NONO: variants seen among roughly 807,000 people sequenced by gnomAD.
The protein encoded by NONO is non-POU domain-containing octamer-binding protein.
A neutral mutation model predicts 40.2 loss-of-function variants in NONO; 6 were observed. That is an observed-to-expected ratio of 0.15 (90% CI 0.08 to 0.29). The LOEUF (loss-of-function observed/expected upper bound fraction) is 0.29, where lower values mean the gene tolerates loss of function less well. NONO is among the 10% of genes least tolerant of loss of function. The pLI is 1.00. For synonymous variants in NONO, 89 were observed against 123.3 expected (o/e 0.72, Z 1.85); for missense variants, 133 against 397.8 (o/e 0.33, Z 5.66).
Position 71,290,630 on chromosome X carries a change from G to C in NONO, c.-8G>C, listed in dbSNP as rs759151477. 1 of 1,205,313 alleles carries C rather than the reference G, an allele frequency of 8.3e-7. No homozygotes were observed. Among genetic ancestry groups the C allele is most frequent in the South Asian group, 1.8e-5 (1 of 56,409 alleles). On this transcript the variant is annotated splice_region_variant and 5_prime_UTR_variant, in exon 3 of 12. Transcript: ENST00000276079. Reference sequence around the variant, plus strand: ...TATTAGTCTACTTTTTCTTTGTAGGGTGCAAAAATGCAGAGTAATAAAACT... The same window carrying C: ...TATTAGTCTACTTTTTCTTTGTAGGCTGCAAAAATGCAGAGTAATAAAACT...
intron 2 of NONO, among the ~76,000 whole-genome samples, chrX:71,289,179 C>T (rs192511448): frequency 4.6e-4 from 51 of 112,075 alleles, no homozygotes; most frequent in African/African-American, 1.6e-3. Flanking sequence ...GTTCCTTAAG[C>T]GATTCTAGTG....
chrX:71,288,119 C>CTT (rs41517053), intron 2 of NONO, among the ~76,000 whole-genome samples: 1,449 of 53,790 alleles, frequency 0.027, 66 homozygotes, highest in African/African-American at 0.052. Flanking sequence ...TTATTTTTAT[C>CTT]TTTTTTTTTT....
At chrX:71,290,195 C>T (rs1478902663) in intron 2 of NONO, among the ~76,000 whole-genome samples, 1 of 109,769 alleles carries the variant, frequency 9.1e-6, no homozygotes, top group East Asian at 2.9e-4. Flanking sequence ...CACAGGCGTG[C>T]GCCACCACAC....
chrX:71,294,142 T>C (rs1421090821), intron 4 of NONO, 85 bp from the exon 5 acceptor site: 10 of 944,055 alleles, frequency 1.1e-5, no homozygotes, highest in African/African-American at 2.0e-5. Flanking sequence ...CGGGGAGATA[T>C]TGAACTATAC....
intron 2 of NONO, among the ~76,000 whole-genome samples, chrX:71,288,324 C>T (rs2148029643): frequency 9.1e-6 from 1 of 109,661 alleles, no homozygotes; most frequent in South Asian, 3.9e-4. Flanking sequence ...TGGTCTCTAA[C>T]TACTGGGCCC....
In NONO at chrX:71,290,766, A is replaced by C. The variant is rs1285006210; in HGVS notation, c.129A>C (p.Ala43=). The C allele has an allele frequency of 1.0e-5, 12 of 1,185,787 alleles. No homozygotes were observed. Among genetic ancestry groups the C allele is most frequent in the Non-Finnish European group, 1.4e-5 (12 of 881,363 alleles). The change falls in exon 3 of 12, where the codon GCA becomes GCC. Residue 43 remains alanine (A), a synonymous_variant. Coordinates refer to ENST00000276079, the MANE Select transcript of NONO (RefSeq NM_007363.5). The part of the protein sequence containing the change: ...QQQPPPPPIP[A]NGQQASSQNE... ...AGCCGCCACCACCGCCAATACCTGC[A>C]AATGGGCAACAGGCCAGCAGCCAAA... is the stretch of plus-strand genomic sequence containing the variant.
At position 71,291,519 on chromosome X, in the gene NONO, T is replaced by C. The variant is rs144208248; in HGVS notation, c.155-260T>C. Among the ~76,000 whole-genome samples, 287 of 111,427 alleles carry C rather than the reference T, an allele frequency of 2.6e-3. 1 individual carries two copies. Among genetic ancestry groups the C allele is most frequent in the Middle Eastern group, 0.023 (5 of 217 alleles). ...TTGCTTAATTTTTCTCTTTGGCCGG[T>C]AACGCCTATATTTTTCTTTCTCTTG... On this transcript the variant is annotated intron_variant, in intron 3 of 11. Coordinates refer to ENST00000276079, the MANE Select transcript of NONO (RefSeq NM_007363.5).
Position 71,297,002 on chromosome X carries a change from A to G in NONO, c.898A>G (p.Met300Val), listed in dbSNP as rs1370808843. The G allele has an allele frequency of 3.3e-6, 4 of 1,206,864 alleles. No individual in the cohort carries two copies. The highest frequency in any genetic ancestry group is 3.4e-6 in the Non-Finnish European group (3 of 892,751). The change falls in exon 7 of 12, where the codon ATG becomes GTG. Residue 300 changes from methionine to valine, a missense_variant. By Grantham distance (21) the Met-to-Val change is conservative (BLOSUM62 1). Around this residue, in one of 3 missense-constraint regions of NONO, gnomAD observed 73 missense variants for 162.2 expected, o/e 0.45. Transcript: ENST00000276079. ...GGCTCGTGAGAAGCTGGAGATGGAGATGGAAGCTGCACGCCATGAGCACCA... is the reference window on the plus strand; with the variant it reads ...GGCTCGTGAGAAGCTGGAGATGGAGGTGGAAGCTGCACGCCATGAGCACCA... ...KEAREKLEME[M>V]EAARHEHQVM... is the part of the protein sequence containing the mutation.
At chrX:71,297,662 A>T in intron 8 of NONO, 174 bp from the exon 9 acceptor site, 1 of 489,035 alleles carries the variant, frequency 2.0e-6, no homozygotes, top group Non-Finnish European at 3.5e-6. Context: ...AAGCAGCTGA[A>T]TGCTGGTCTC....
At chrX:71,298,927 T>A in intron 11 of NONO, 111 bp downstream of exon 11, 1 of 225,931 alleles carries the variant, frequency 4.4e-6, no homozygotes, top group Non-Finnish European at 7.6e-6. Flanking sequence ...GATAGCAGTC[T>A]TTTTTTTTTT....
chrX:71,292,841 A>G (rs2031355757), intron 4 of NONO: 1 of 112,131 alleles, frequency 8.9e-6, no homozygotes, highest in African/African-American at 3.2e-5. Context: ...TAGTCTAACT[A>G]CTCAACTAGG....
intron 9 of NONO, 200 bp downstream of exon 9, chrX:71,298,138 C>T (rs2031493841): frequency 2.3e-6 from 1 of 435,221 alleles, no homozygotes; most frequent in Admixed American, 4.0e-5. Flanking sequence ...ACTGGGTCTG[C>T]TGTATTCTGT....
intron 2 of NONO, chrX:71,285,150 A>G (rs976000909): frequency 8.9e-6 from 1 of 112,169 alleles, no homozygotes; most frequent in Admixed American, 9.5e-5. Context: ...GATAGTCTTC[A>G]CTAGTGCATT....
chrX:71,291,644 G>A (rs2031329813), intron 3 of NONO, 135 bp from the exon 4 acceptor site: 2 of 476,052 alleles, frequency 4.2e-6, no homozygotes, highest in Non-Finnish European at 6.7e-6. Context: ...AAGTGGTTAG[G>A]TTGCCTTGGG....
At chrX:71,295,531 G>T (rs1010633609) in intron 5 of NONO, among the ~76,000 whole-genome samples, 3 of 110,138 alleles carry the variant, frequency 2.7e-5, no homozygotes, top group Non-Finnish European at 3.8e-5. Context: ...GGTGGCTCAT[G>T]CCTGTAATAC....
intron 2 of NONO, among the ~76,000 whole-genome samples, chrX:71,288,042 G>A (rs12391760): frequency 0.013 from 1,361 of 101,073 alleles, 33 homozygotes; most frequent in African/African-American, 0.046. Flanking sequence ...CAACGTTTGG[G>A]AGCACAGAGC....
At position 71,297,007 on chromosome X, in the gene NONO, A is replaced by G. The variant is rs750904419; in HGVS notation, c.903A>G (p.Glu301=). 1.7e-6 allele frequency: 2 copies of G among 1,206,003 alleles called. No individual in the cohort carries two copies. The highest frequency in any genetic ancestry group is 3.6e-5 in the South Asian group (2 of 55,992). ...GTGAGAAGCTGGAGATGGAGATGGA[A>G]GCTGCACGCCATGAGCACCAGGTCA... The part of the protein sequence containing the change: ...EAREKLEMEM[E]AARHEHQVML... The change falls in exon 7 of 12, where the codon GAA becomes GAG. Residue 301 remains glutamate, a synonymous_variant. Coordinates refer to ENST00000276079, the MANE Select transcript of NONO (RefSeq NM_007363.5).
intron 2 of NONO, among the ~76,000 whole-genome samples, chrX:71,287,863 C>CCCTTTTTTTT (rs2031227147): frequency 1.0e-5 from 1 of 96,010 alleles, no homozygotes; most frequent in Non-Finnish European, 2.0e-5. Flanking sequence ...CTCCCCCCTA[C>CCCTTTTTTTT]CCTTTTTTTT....
At chrX:71,288,752 A>G (rs2031257069) in intron 2 of NONO, among the ~76,000 whole-genome samples, 1 of 112,834 alleles carries the variant, frequency 8.9e-6, no homozygotes, top group Non-Finnish European at 1.9e-5. Context: ...TGTAATTAAT[A>G]AATATTTAGA....
Sources: gnomAD v4.1 joint callset for allele counts (sites outside exome capture counted in the v4.1 genomes callset) on GRCh38, gnomAD v4.1.1 for gene constraint, gnomAD v4.1.1 regional missense constraint, MANE v1.5 for transcripts, NCBI Gene and HGNC (gene_info 2026-07-23, HGNC 2026-07-21) for gene names.